Variants in CDC42BPA observed in about 807,000 individuals in gnomAD.
The protein encoded by CDC42BPA is serine/threonine-protein kinase MRCK alpha.
Under a neutral mutation model 223.5 loss-of-function variants are expected in CDC42BPA, and 80 were observed. The ratio of observed to expected loss-of-function variants is 0.36; its 90% CI spans 0.30 to 0.43. The LOEUF (loss-of-function observed/expected upper bound fraction) is 0.43. Among genes scored for constraint, CDC42BPA ranks in the 20% least tolerant of loss-of-function variants. The pLI is 1.00. For missense variants in CDC42BPA, 1,743 were observed against 2,099.9 expected, an observed-to-expected ratio of 0.83 and a Z score of 3.32; for synonymous variants, 694 against 718.6, an observed-to-expected ratio of 0.97 and a Z score of 0.55.
chr1:227,023,243 G>A lies in CDC42BPA; in HGVS notation c.4615+20C>T. ...ATATTTCCAATGAAGCTATCCCTAT[G>A]AATATATGTATTTTCTTACCTGCCA... On this transcript the variant is annotated intron_variant, in intron 32 of 36. Transcript: ENST00000366766. 9.1e-7 allele frequency: 1 copy of A among 1,102,448 alleles called. No homozygotes were observed. Among genetic ancestry groups the A allele is most frequent in the Non-Finnish European group, 1.4e-6 (1 of 732,980 alleles). The allele number at this position is 1,102,448 out of a possible 1,614,324, so 68.3% of individuals were successfully genotyped here. A position where few individuals can be genotyped will look rare whatever the true frequency, so the allele number is the denominator to read the frequency against.
intron 35 of CDC42BPA, chr1:227,004,703 C>G (rs1353318771): frequency 2.4e-6 from 1 of 410,546 alleles, no homozygotes; most frequent in African/African-American, 2.0e-5. Context: ...CCTTGTTATT[C>G]TCTATTAATG....
chr1:227,245,915 CCTT>C (rs1199787169), intron 2 of CDC42BPA, among the ~76,000 whole-genome samples: 1 of 152,140 alleles, frequency 6.6e-6, no homozygotes, highest in Non-Finnish European at 1.5e-5. Flanking sequence ...GTGAAAGACT[CCTT>C]CTGTCTGAGA....
intron 24 of CDC42BPA, among the ~76,000 whole-genome samples, chr1:227,039,161 CAAA>C (rs951586636): frequency 1.3e-5 from 2 of 152,014 alleles, no homozygotes; most frequent in African/African-American, 4.8e-5. Flanking sequence ...TTCTGAATTT[CAAA>C]AAGTCTTTAA....
chr1:227,026,989 C>T (rs1013413228), intron 30 of CDC42BPA, among the ~76,000 whole-genome samples: 3 of 152,118 alleles, frequency 2.0e-5, no homozygotes, highest in African/African-American at 4.8e-5. Flanking sequence ...GACAGGTTCT[C>T]GCTATGTTGC....
At position 226,992,179 on chromosome 1, in the gene CDC42BPA, G is replaced by A. The variant is rs1660839823; in HGVS notation, c.*2089C>T. On this transcript the variant is annotated 3_prime_UTR_variant, in exon 37 of 37. Coordinates refer to ENST00000366766, the MANE Select transcript of CDC42BPA (RefSeq NM_001394014.1). ...GGTGCTGAGGACAAGGATCTACCAAGTCATATGACAATGATCCAACTAAAG... is the reference window on the plus strand; with the variant it reads ...GGTGCTGAGGACAAGGATCTACCAAATCATATGACAATGATCCAACTAAAG... 6.6e-6 allele frequency: 1 copy of A among 152,156 alleles called. No homozygotes were observed. The highest frequency in any genetic ancestry group is 2.4e-5 in the African/African-American group (1 of 41,422). 9.4% of individuals were successfully genotyped at this position (152,156 alleles called of 1,614,324 possible).
chr1:227,317,169 A>T lies in CDC42BPA; in HGVS notation c.14T>A (p.Val5Glu), dbSNP rs778085547. Reference sequence around the variant, plus strand: ...AAACTGCTCCAACTGCCTCAAACGCACTTCTCCAGACATGTTTGCTTCGAT... The same window carrying T: ...AAACTGCTCCAACTGCCTCAAACGCTCTTCTCCAGACATGTTTGCTTCGAT... MSGE[V>E]RLRQLEQFIL... is the part of the protein sequence containing the mutation. Residue 5 changes from valine to glutamate, a missense_variant, in exon 1 of 37, where the codon GTG (valine) becomes GAG (glutamate). Physicochemically the swap from Val to Glu is moderately radical, Grantham distance 121 (BLOSUM62 -2). This residue lies in a region of CDC42BPA where 321 missense variants were observed against 488.7 expected (regional missense o/e 0.66). Coordinates refer to ENST00000366766, the MANE Select transcript of CDC42BPA (RefSeq NM_001394014.1). 14 of 1,610,696 alleles carry T rather than the reference A, an allele frequency of 8.7e-6. No homozygotes were observed. The highest frequency in any genetic ancestry group is 1.7e-6 in the Non-Finnish European group (2 of 1,179,142).
At chr1:227,287,662 G>GT (rs1467522500) in intron 1 of CDC42BPA, among the ~76,000 whole-genome samples, 1 of 152,084 alleles carries the variant, frequency 6.6e-6, no homozygotes, top group Non-Finnish European at 1.5e-5. Flanking sequence ...GGGTTCCTAC[G>GT]TGACTAGCCA....
At chr1:227,269,064 A>G (rs1312177711) in intron 1 of CDC42BPA, among the ~76,000 whole-genome samples, 2 of 152,218 alleles carry the variant, frequency 1.3e-5, no homozygotes, top group Admixed American at 1.3e-4. Context: ...TTTTCTGTAA[A>G]GGCCACAGTA....
intron 34 of CDC42BPA, among the ~76,000 whole-genome samples, chr1:227,010,404 T>C (rs1664944652): frequency 6.6e-6 from 1 of 152,146 alleles, no homozygotes; most frequent in East Asian, 1.9e-4. Context: ...TTTAAGCTTT[T>C]CAAAAAGGGG....
At position 227,240,117 on chromosome 1, in the gene CDC42BPA, T is replaced by C. The variant is rs556608621; in HGVS notation, c.270+13947A>G. ...TAAAGTCTGATACAAAAATCAACTATATTATCTACATATTAGCAGCATAGT... is the reference window on the plus strand; with the variant it reads ...TAAAGTCTGATACAAAAATCAACTACATTATCTACATATTAGCAGCATAGT... On this transcript the variant is annotated intron_variant, in intron 2 of 36. Coordinates refer to ENST00000366766, the MANE Select transcript of CDC42BPA (RefSeq NM_001394014.1). Among the ~76,000 whole-genome samples, 5 of 152,226 alleles carry C rather than the reference T, an allele frequency of 3.3e-5. No individual in the cohort carries two copies. The South Asian group carries it at 6.2e-4, about 19-fold the overall frequency.
At chr1:227,090,183 T>A (rs559134272) in intron 16 of CDC42BPA, among the ~76,000 whole-genome samples, 4 of 152,310 alleles carry the variant, frequency 2.6e-5, no homozygotes, top group Non-Finnish European at 4.4e-5. Context: ...CTTTATGATG[T>A]GAACAGTATT....
chr1:227,016,976 G>A lies in CDC42BPA; in HGVS notation c.4690C>T (p.Arg1564Trp), dbSNP rs1045581683. 22 of 1,612,718 alleles carry A rather than the reference G, an allele frequency of 1.4e-5. No homozygotes were observed. Among genetic ancestry groups the A allele is most frequent in the East Asian group, 2.2e-5 (1 of 44,844 alleles). ...KQMVRNINNK[R>W]RYSFRVPEEE... is the part of the protein sequence containing the mutation. The stretch of plus-strand genomic sequence containing the variant: ...TCTGGGACTCTGAAGGAATAACGCC[G>A]CTTATTGTTAATGTTTCTAACCATT... The change falls in exon 33 of 37, where the codon CGG (arginine) becomes TGG (tryptophan). Residue 1564 changes from arginine (R) to tryptophan (W), a missense_variant. Arg to Trp is a moderately radical substitution (Grantham distance 101, BLOSUM62 -3). This residue lies in a region of CDC42BPA where 44 missense variants were observed against 81.0 expected (regional missense o/e 0.54). Transcript: ENST00000366766.
At chr1:227,081,099 C>A (rs780488092) in intron 16 of CDC42BPA, 82 bp from the exon 17 acceptor site, 1 of 1,399,376 alleles carries the variant, frequency 7.1e-7, no homozygotes, top group African/African-American at 1.4e-5. Flanking sequence ...AATTTGATTA[C>A]TCAACATCAT....
intron 10 of CDC42BPA, among the ~76,000 whole-genome samples, chr1:227,136,392 AAATGTGAGATACCATCT>A (rs1324188675): frequency 3.3e-5 from 5 of 152,220 alleles, no homozygotes; most frequent in African/African-American, 1.2e-4. Flanking sequence ...AGCATAAAGG[AAATGTGAGATACCATCT>A]AACATATACA....
At chr1:227,015,095 A>G (rs1016904014) in intron 34 of CDC42BPA, among the ~76,000 whole-genome samples, 1 of 152,022 alleles carries the variant, frequency 6.6e-6, no homozygotes. Context: ...AACCAGGACT[A>G]CAGGCACACA....
chr1:227,090,797 C>A (rs372905433), intron 16 of CDC42BPA, among the ~76,000 whole-genome samples: 1 of 152,072 alleles, frequency 6.6e-6, no homozygotes, highest in Non-Finnish European at 1.5e-5. Flanking sequence ...GGCGACAGAG[C>A]GAGACTGTAT....
At chr1:227,025,447 C>T (rs1387097779) in intron 31 of CDC42BPA, among the ~76,000 whole-genome samples, 1 of 152,138 alleles carries the variant, frequency 6.6e-6, no homozygotes, top group Non-Finnish European at 1.5e-5. Context: ...TGTCCCCCAA[C>T]TAATCATACA....
Position 227,317,325 on chromosome 1 carries a change from A to T in CDC42BPA, c.-143T>A. 3.7e-6 allele frequency: 3 copies of T among 803,588 alleles called. No individual in the cohort carries two copies. In the East Asian group the frequency reaches 8.1e-5, roughly 22 times the overall value. 49.8% of individuals were successfully genotyped at this position (803,588 alleles called of 1,614,324 possible). On this transcript the variant is annotated 5_prime_UTR_variant, in exon 1 of 37. An upstream open reading frame in the 5' UTR loses its in-frame stop. Transcript: ENST00000366766. ...TGTCATGCAATGCTGGTGCTGAATT[A>T]AACATCCAACACACCAGTAACCTCA...
intron 3 of CDC42BPA, among the ~76,000 whole-genome samples, chr1:227,208,286 G>T (rs12143378): frequency 0.68 from 98,795 of 145,340 alleles, 33,788 homozygotes; most frequent in South Asian, 0.72. Flanking sequence ...TTGCAAAAAT[G>T]TTCTCCCATT....
Sources: gnomAD v4.1 joint callset for allele counts (sites outside exome capture counted in the v4.1 genomes callset) on GRCh38, gnomAD v4.1.1 for gene constraint, gnomAD v4.1.1 regional missense constraint, MANE v1.5 for transcripts, NCBI Gene and HGNC (gene_info 2026-07-23, HGNC 2026-07-21) for gene names.